The following KCNT1 variants were observed in gnomAD, a reference collection of about 807,000 sequenced individuals.
The protein encoded by KCNT1 is potassium sodium-activated channel subfamily T member 1.
Under a neutral mutation model 147.8 loss-of-function variants are expected in KCNT1, and 78 were observed. That is an observed-to-expected ratio of 0.53 (90% CI 0.44 to 0.64). The LOEUF (loss-of-function observed/expected upper bound fraction) is 0.64, where lower values mean the gene tolerates loss of function less well. KCNT1 is among the 30% of genes least tolerant of loss of function. KCNT1 has a pLI of 0.00. For synonymous variants in KCNT1, 867 were observed against 748.8 expected, an observed-to-expected ratio of 1.16 and a Z score of -2.58; for missense variants, 1,419 against 1,750.3, an observed-to-expected ratio of 0.81 and a Z score of 3.38.
chr9:135,759,704 C>A lies in KCNT1; in HGVS notation c.880C>A (p.Arg294=). 6.2e-7 allele frequency: 1 copy of A among 1,610,602 alleles called. No homozygotes were observed. The highest frequency in any genetic ancestry group is 1.7e-5 in the Admixed American group (1 of 59,800). Residue 294 remains arginine (R), a synonymous_variant, in exon 11 of 31, where the codon CGG becomes AGG. Coordinates refer to ENST00000371757, the MANE Select transcript of KCNT1 (RefSeq NM_020822.3). The stretch of plus-strand genomic sequence containing the variant: ...GACCTGCGGCATCCAGCACCTGGAG[C>A]GGGCGGGCGAGAACCTGTCCCTCCT... ...TGTCGIQHLE[R]AGENLSLLTS...
intron 18 of KCNT1, among the ~76,000 whole-genome samples, chr9:135,772,165 C>A (rs926894047): frequency 1.3e-5 from 2 of 152,200 alleles, no homozygotes; most frequent in Non-Finnish European, 2.9e-5. Flanking sequence ...CCTTCACCTG[C>A]GCAGTAGGCA....
At chr9:135,768,556 C>T (rs1252549855) in intron 13 of KCNT1, 54 bp from the exon 14 acceptor site, 3 of 1,455,722 alleles carry the variant, frequency 2.1e-6, no homozygotes, top group African/African-American at 2.8e-5. Context: ...GCACCCCCGG[C>T]TGCACTGCCC....
At position 135,752,067 on chromosome 9, in the gene KCNT1, TG is replaced by T. The variant is rs1831207884; in HGVS notation, c.434+1028del. 1 of 222,044 alleles carries T rather than the reference TG, an allele frequency of 4.5e-6. No homozygotes were observed. Among genetic ancestry groups the T allele is most frequent in the Non-Finnish European group, 9.1e-6 (1 of 109,790 alleles). 13.8% of individuals were successfully genotyped at this position (222,044 alleles called of 1,614,324 possible). A position where few individuals can be genotyped will look rare whatever the true frequency, so the allele number is the denominator to read the frequency against. ...ATACCCGTAGATTTCCTCAAATGTC[TG>T]GTGCCGTTTATGCGTAAGAGTGCTC... On this transcript the variant is annotated intron_variant, in intron 4 of 30. Transcript: ENST00000371757. This position sits in a 1 kb window ranked among gnomAD's most constrained non-coding sequence, Gnocchi z 5.1.
At chr9:135,766,304 ATCTGGGGTGGGCTG>A (rs1008385594) in intron 13 of KCNT1, among the ~76,000 whole-genome samples, 12 of 146,834 alleles carry the variant, frequency 8.2e-5, no homozygotes, top group East Asian at 6.4e-4. Context: ...AGGGTGGACC[ATCTGGGGTGGGCTG>A]TCTGGGGTGG....
At chr9:135,743,495 A>G (rs559669135) in intron 2 of KCNT1, among the ~76,000 whole-genome samples, 2 of 152,034 alleles carry the variant, frequency 1.3e-5, no homozygotes, top group East Asian at 1.9e-4. Flanking sequence ...GGTGGGACCT[A>G]TTATTATCCC....
At chr9:135,734,652 C>T (rs57268962) in intron 2 of KCNT1, among the ~76,000 whole-genome samples, 9 of 152,160 alleles carry the variant, frequency 5.9e-5, no homozygotes, top group African/African-American at 1.9e-4. Context: ...ACTGCACTCT[C>T]GAAAAGCAGG....
intron 2 of KCNT1, among the ~76,000 whole-genome samples, chr9:135,726,534 G>A (rs571265965): frequency 2.4e-4 from 37 of 152,120 alleles, no homozygotes; most frequent in African/African-American, 8.4e-4. Context: ...AGGGTAAAGC[G>A]AGGCACCCCA....
rs1834716935 is a variant in KCNT1, at chr9:135,794,242, C to G, written c.*2081C>G. The stretch of plus-strand genomic sequence containing the variant: ...TTGACTTGCGATGTGGATGGTGTTC[C>G]CGGAGTCCCCTGTGGCCACTCCACC... On this transcript the variant is annotated 3_prime_UTR_variant, in exon 31 of 31. Coordinates refer to ENST00000371757, the MANE Select transcript of KCNT1 (RefSeq NM_020822.3). The G allele has an allele frequency of 6.6e-6, 1 of 152,270 alleles. No homozygotes were observed. Among genetic ancestry groups the G allele is most frequent in the African/African-American group, 2.4e-5 (1 of 41,444 alleles). 9.4% of individuals were successfully genotyped at this position (152,270 alleles called of 1,614,324 possible). A position where few individuals can be genotyped will look rare whatever the true frequency, so the allele number is the denominator to read the frequency against.
rs747512296 is a variant in KCNT1, at chr9:135,784,862, A to G, written c.3129A>G (p.Thr1043=). Reference sequence around the variant, plus strand: ...AGATCCCCATTGGCATCTACCGGACAGAGAGCCACGTCTTCTCCACCTCGG... The same window carrying G: ...AGATCCCCATTGGCATCTACCGGACGGAGAGCCACGTCTTCTCCACCTCGG... ...SAEIPIGIYR[T]ESHVFSTSEP... The change falls in exon 27 of 31, where the codon ACA becomes ACG. Residue 1043 remains threonine (T), a synonymous_variant. Coordinates refer to ENST00000371757, the MANE Select transcript of KCNT1 (RefSeq NM_020822.3). 6 of 1,612,584 alleles carry G rather than the reference A, an allele frequency of 3.7e-6. No homozygotes were observed. The highest frequency in any genetic ancestry group is 1.7e-5 in the Admixed American group (1 of 60,000).
intron 29 of KCNT1, chr9:135,791,411 A>C: frequency 4.4e-6 from 1 of 229,672 alleles, no homozygotes; most frequent in Non-Finnish European, 8.7e-6. Flanking sequence ...AGATGAAGGC[A>C]TGCATGCATG....
Position 135,751,006 on chromosome 9 carries a change from C to T in KCNT1, c.399C>T (p.Arg133=), listed in dbSNP as rs377259793. 6.2e-6 allele frequency: 10 copies of T among 1,612,572 alleles called. No homozygotes were observed. The highest frequency in any genetic ancestry group is 3.3e-5 in the Admixed American group (2 of 60,000). Residue 133 remains arginine (R), a synonymous_variant, in exon 4 of 31, where the codon CGC becomes CGT. Coordinates refer to ENST00000371757, the MANE Select transcript of KCNT1 (RefSeq NM_020822.3). ...TCACCTGCCTGCTCTACATTGTGCG[C>T]GTCCTGCTCGATGACCCGGCCCTGG... ...KLLTCLLYIV[R]VLLDDPALGI... is the part of the protein sequence containing the mutation.
At chr9:135,739,125 C>G (rs1285469601) in intron 2 of KCNT1, among the ~76,000 whole-genome samples, 2 of 152,128 alleles carry the variant, frequency 1.3e-5, no homozygotes, top group Non-Finnish European at 2.9e-5. Context: ...GTTCCCCCAG[C>G]CCCATCCTAC....
intron 2 of KCNT1, among the ~76,000 whole-genome samples, chr9:135,746,140 G>A (rs1830822007): frequency 6.6e-6 from 1 of 152,238 alleles, no homozygotes. Context: ...GGCGGCCACA[G>A]TTCATTAAAA....
chr9:135,708,548 CT>C (rs1024478742), intron 1 of KCNT1, among the ~76,000 whole-genome samples: 2 of 152,102 alleles, frequency 1.3e-5, no homozygotes, highest in Non-Finnish European at 2.9e-5. Flanking sequence ...CAGTCACAAT[CT>C]TTTTTTGTTG....
intron 13 of KCNT1, among the ~76,000 whole-genome samples, chr9:135,766,970 A>T (rs1324423986): frequency 1.3e-5 from 2 of 152,170 alleles, no homozygotes; most frequent in African/African-American, 4.8e-5. Context: ...TTTTAAAGAC[A>T]AATTGACAGA....
At chr9:135,753,553 G>A (rs1198337098) in intron 4 of KCNT1, among the ~76,000 whole-genome samples, 2 of 152,296 alleles carry the variant, frequency 1.3e-5, no homozygotes, top group Non-Finnish European at 1.5e-5. Flanking sequence ...GGCCCTGAGT[G>A]TTCCCACATG....
intron 1 of KCNT1, among the ~76,000 whole-genome samples, chr9:135,709,313 T>TG (rs1835385306): frequency 6.6e-6 from 1 of 152,202 alleles, no homozygotes; most frequent in South Asian, 2.1e-4. Context: ...AGAGCAGTCT[T>TG]GGCTGTAGCT....
intron 1 of KCNT1, among the ~76,000 whole-genome samples, chr9:135,706,178 C>G (rs1029170937): frequency 3.9e-5 from 6 of 152,162 alleles, no homozygotes; most frequent in Non-Finnish European, 7.3e-5. Flanking sequence ...ATGGACCTTA[C>G]GAGGTTGTGT....
intron 25 of KCNT1, 37 bp from the exon 26 acceptor site, chr9:135,784,498 C>G (rs1287351449): frequency 8.8e-6 from 3 of 340,614 alleles, no homozygotes; most frequent in African/African-American, 5.5e-5. Flanking sequence ...TCCCTCCCTC[C>G]CTCCCTCCCT....
Sources: gnomAD v4.1 joint callset for allele counts (sites outside exome capture counted in the v4.1 genomes callset) on GRCh38, gnomAD v4.1.1 for gene constraint, Gnocchi (gnomAD v3.1) non-coding constraint, MANE v1.5 for transcripts, NCBI Gene and HGNC (gene_info 2026-07-23, HGNC 2026-07-21) for gene names.